Variants in KATNIP observed in about 807,000 individuals in gnomAD.
KATNIP encodes the protein katanin interacting protein, also known as katanin-interacting protein.
A neutral mutation model predicts 174.0 loss-of-function variants in KATNIP; 126 were observed. That is an observed-to-expected ratio of 0.72 (90% CI 0.63 to 0.84). The LOEUF (loss-of-function observed/expected upper bound fraction) is 0.84. Among genes scored for constraint, KATNIP ranks in the 40% least tolerant of loss-of-function variants. The pLI is 0.00. For missense variants in KATNIP, 1,958 were observed against 2,109.7 expected (o/e 0.93, Z 1.41); for synonymous variants, 810 against 835.7 (o/e 0.97, Z 0.53).
chr16:27,727,589 G>A (rs2080499225), intron 14 of KATNIP: 1 of 152,290 alleles, frequency 6.6e-6, no homozygotes, highest in Admixed American at 6.5e-5. Context: ...GCTGAAGATG[G>A]TGGTGGCCTG....
At chr16:27,703,824 C>T in intron 11 of KATNIP, 72 bp from the exon 12 acceptor site, 1 of 1,183,418 alleles carries the variant, frequency 8.5e-7, no homozygotes, top group Non-Finnish European at 1.3e-6. Flanking sequence ...GAGTGCAGCA[C>T]TTTTGATTGG....
At chr16:27,750,398 A>G in intron 16 of KATNIP, 92 bp downstream of exon 16, 3 of 1,278,082 alleles carry the variant, frequency 2.3e-6, no homozygotes, top group South Asian at 1.4e-5. Context: ...CTAGCCAACA[A>G]CAGATCAGTC....
intron 14 of KATNIP, among the ~76,000 whole-genome samples, chr16:27,736,347 G>T (rs901269488): frequency 8.5e-5 from 13 of 152,176 alleles, no homozygotes; most frequent in Non-Finnish European, 1.6e-4. Flanking sequence ...TGGACAAGAC[G>T]GGCAGGGCTT....
Position 27,637,878 on chromosome 16 carries a change from G to A in KATNIP, c.408+6716G>A, listed in dbSNP as rs2076681007. ...TGTGTGCAGAAAGGACCGCCCATGG[G>A]AGCAAGGGGCTACAGGAGGACCAGG... On this transcript the variant is annotated intron_variant, in intron 5 of 27. Transcript: ENST00000261588. The surrounding 1 kb of genome is among the most constrained non-coding windows in gnomAD (Gnocchi z 4.7). Among the ~76,000 whole-genome samples the A allele has an allele frequency of 2.6e-5, 4 of 152,130 alleles. No homozygotes were observed. In the South Asian group the frequency reaches 8.3e-4, roughly 32 times the overall value.
rs2082300702 is a variant in KATNIP at position 27,771,500 on chromosome 16, T to G, written c.4134-88T>G. On this transcript the variant is annotated intron_variant, in intron 21 of 27. Transcript: ENST00000261588. ...CTAGGGAACGCTAAACTGCCATGTT[T>G]CTTCAAAGGCTGTTACCTAGGGGGT... The G allele has an allele frequency of 3.0e-6, 4 of 1,312,136 alleles. No individual in the cohort carries two copies. In the East Asian group the frequency reaches 7.1e-5, roughly 23 times the overall value. The allele number at this position is 1,312,136 out of a possible 1,614,324, so 81.3% of individuals were successfully genotyped here.
intron 1 of KATNIP, among the ~76,000 whole-genome samples, chr16:27,571,532 C>T (rs1327500985): frequency 6.6e-6 from 1 of 152,168 alleles, no homozygotes; most frequent in Non-Finnish European, 1.5e-5. Flanking sequence ...AGGACCAGAT[C>T]CCCAGGAGGC....
intron 8 of KATNIP, among the ~76,000 whole-genome samples, chr16:27,683,229 A>T (rs1281622143): frequency 6.6e-6 from 1 of 152,188 alleles, no homozygotes; most frequent in Admixed American, 6.5e-5. Context: ...TAAGTCTCTG[A>T]TCTGCATCCT....
chr16:27,685,829 A>G (rs2078503772), intron 8 of KATNIP, among the ~76,000 whole-genome samples: 2 of 152,228 alleles, frequency 1.3e-5, no homozygotes, highest in African/African-American at 4.8e-5. Flanking sequence ...ATTATGGTAG[A>G]GCCACATCTC....
At chr16:27,774,853 C>A in intron 23 of KATNIP, 92 bp from the exon 24 acceptor site, 1 of 1,484,916 alleles carries the variant, frequency 6.7e-7, no homozygotes, top group Non-Finnish European at 9.3e-7. Context: ...CCTGCCAGCC[C>A]CAGAGTCCCC....
At chr16:27,750,885 A>C (rs981844113) in intron 16 of KATNIP, among the ~76,000 whole-genome samples, 3 of 148,830 alleles carry the variant, frequency 2.0e-5, no homozygotes, top group Non-Finnish European at 4.5e-5. Context: ...GCACCAACCC[A>C]CCTGGCTAAT....
chr16:27,739,113 G>T (rs919418725), intron 14 of KATNIP, among the ~76,000 whole-genome samples: 3 of 152,184 alleles, frequency 2.0e-5, no homozygotes, highest in Admixed American at 2.0e-4. Context: ...GGCGGCAGTG[G>T]TGTCTCTGGT....
At chr16:27,600,854 C>T (rs2075500357) in intron 2 of KATNIP, among the ~76,000 whole-genome samples, 3 of 152,068 alleles carry the variant, frequency 2.0e-5, no homozygotes, top group South Asian at 2.1e-4. Context: ...CTCAGCCTCC[C>T]GAGTACCTGG....
intron 24 of KATNIP, among the ~76,000 whole-genome samples, chr16:27,775,702 C>T (rs1393684419): frequency 1.3e-5 from 2 of 152,046 alleles, no homozygotes; most frequent in Non-Finnish European, 1.5e-5. Flanking sequence ...GGTCAGCCCC[C>T]CTGCAGCCTC....
At chr16:27,627,138 G>A (rs988693315) in intron 3 of KATNIP, among the ~76,000 whole-genome samples, 3 of 152,162 alleles carry the variant, frequency 2.0e-5, no homozygotes, top group South Asian at 2.1e-4. Flanking sequence ...TTGCAGACAC[G>A]TGCAGAGAGG....
chr16:27,690,944 C>CT (rs922082668), intron 8 of KATNIP, among the ~76,000 whole-genome samples: 22 of 151,086 alleles, frequency 1.5e-4, no homozygotes, highest in East Asian at 5.8e-4. Context: ...GGTGGATTTC[C>CT]TTTTTTTTTG....
At chr16:27,590,034 ATTTT>A (rs888530577) in intron 2 of KATNIP, among the ~76,000 whole-genome samples, 1 of 149,112 alleles carries the variant, frequency 6.7e-6, no homozygotes, top group Non-Finnish European at 1.5e-5. Context: ...TTTATTTGTG[ATTTT>A]TTTTTTATGT....
At chr16:27,558,098 C>G (rs2089704503) in intron 1 of KATNIP, among the ~76,000 whole-genome samples, 1 of 152,188 alleles carries the variant, frequency 6.6e-6, no homozygotes, top group South Asian at 2.1e-4. Context: ...GTTGTGAAAA[C>G]TCCTGTGGAC....
intron 18 of KATNIP, among the ~76,000 whole-genome samples, chr16:27,760,418 A>G (rs2081908060): frequency 6.6e-6 from 1 of 152,174 alleles, no homozygotes; most frequent in African/African-American, 2.4e-5. Flanking sequence ...CAAATGAATG[A>G]CATCTGGGCT....
chr16:27,567,824 A>G (rs1042144832), intron 1 of KATNIP, among the ~76,000 whole-genome samples: 13 of 151,814 alleles, frequency 8.6e-5, no homozygotes, highest in South Asian at 2.1e-4. Context: ...CACTGCACCC[A>G]GTGGTGGCAC....
Sources: gnomAD v4.1 joint callset for allele counts (sites outside exome capture counted in the v4.1 genomes callset) on GRCh38, gnomAD v4.1.1 for gene constraint, Gnocchi (gnomAD v3.1) non-coding constraint, MANE v1.5 for transcripts, NCBI Gene and HGNC (gene_info 2026-07-23, HGNC 2026-07-21) for gene names.